The following TNRC6B variants were observed in gnomAD, a reference collection of about 807,000 sequenced individuals.
The protein encoded by TNRC6B is trinucleotide repeat containing adaptor 6B, also known as trinucleotide repeat-containing gene 6B protein.
TNRC6B carries 52 observed loss-of-function variants against 203.6 expected under a neutral mutation model. That is an observed-to-expected ratio of 0.26 (90% CI 0.20 to 0.32). The LOEUF (loss-of-function observed/expected upper bound fraction) is 0.32, where lower values mean the gene tolerates loss of function less well. TNRC6B is among the 10% of genes least tolerant of loss of function. The pLI is 1.00. For synonymous variants in TNRC6B, 838 were observed against 845.7 expected (o/e 0.99, Z 0.16); for missense variants, 1,923 against 2,286.2 (o/e 0.84, Z 3.24).
At chr22:40,262,772 G>T (rs2070406644) in intron 4 of TNRC6B, among the ~76,000 whole-genome samples, 1 of 152,170 alleles carries the variant, frequency 6.6e-6, no homozygotes, top group African/African-American at 2.4e-5. Context: ...GGGCACGGTG[G>T]CTCACGCCTG....
chr22:40,055,697 T>C (rs149660542), intron 1 of TNRC6B, among the ~76,000 whole-genome samples: 1 of 152,310 alleles, frequency 6.6e-6, no homozygotes, highest in East Asian at 1.9e-4. Context: ...ATGCAAATGA[T>C]GTTAGGTGGA....
intron 1 of TNRC6B, among the ~76,000 whole-genome samples, chr22:40,186,996 A>T (rs1271097174): frequency 6.6e-6 from 1 of 152,190 alleles, no homozygotes; most frequent in African/African-American, 2.4e-5. Context: ...CTACTTTTTC[A>T]TGGAAAAGTA....
intron 1 of TNRC6B, among the ~76,000 whole-genome samples, chr22:40,048,733 G>T (rs2067717070): frequency 6.6e-6 from 1 of 152,058 alleles, no homozygotes; most frequent in Non-Finnish European, 1.5e-5. Flanking sequence ...ACACAGTCAG[G>T]ATCAGAACGG....
intron 1 of TNRC6B, among the ~76,000 whole-genome samples, chr22:40,061,580 A>G (rs767772570): frequency 3.3e-5 from 5 of 151,770 alleles, no homozygotes; most frequent in Admixed American, 6.6e-5. Flanking sequence ...TATCTTTACT[A>G]GTTTGCTGTT....
At chr22:40,298,607 T>A (rs2070977291) in intron 12 of TNRC6B, among the ~76,000 whole-genome samples, 1 of 152,232 alleles carries the variant, frequency 6.6e-6, no homozygotes, top group African/African-American at 2.4e-5. Context: ...GTCATTCCAG[T>A]TGGAGATCAG....
chr22:40,309,780 C>G (rs1297766353), intron 16 of TNRC6B, among the ~76,000 whole-genome samples: 1 of 152,132 alleles, frequency 6.6e-6, no homozygotes, highest in African/African-American at 2.4e-5. Flanking sequence ...TTAGCAATCC[C>G]CAAAGTAATT....
At chr22:40,136,401 G>GTGTGTGTGTGTGTGTGTATAC (rs1001146658) in intron 3 of TNRC6B, among the ~76,000 whole-genome samples, 1 of 140,988 alleles carries the variant, frequency 7.1e-6, no homozygotes, top group East Asian at 2.1e-4. Context: ...GTGTGTGTGT[G>GTGTGTGTGTGTGTGTGTATAC]TATACTTTTT....
chr22:40,160,110 G>C (rs1309942301), intron 4 of TNRC6B, among the ~76,000 whole-genome samples: 1 of 152,034 alleles, frequency 6.6e-6, no homozygotes, highest in Non-Finnish European at 1.5e-5. Context: ...ACCTCCTTGA[G>C]CGGCCTATTT....
At chr22:40,267,387 G>A (rs1307814641) in intron 5 of TNRC6B, among the ~76,000 whole-genome samples, 2 of 152,188 alleles carry the variant, frequency 1.3e-5, no homozygotes, top group African/African-American at 4.8e-5. Context: ...AAATAGACCT[G>A]ATTTCCATTC....
rs555548451 is a variant in TNRC6B, at chr22:40,326,930, T to C, written c.*3689T>C. On this transcript the variant is annotated 3_prime_UTR_variant, in exon 23 of 23. Transcript: ENST00000454349. ...TTTTAGCTCCCAGCTACTGTTGTGC[T>C]CGTTTTAATTGCTGTTTTGAAGATC... 6.5e-6 allele frequency: 1 copy of C among 152,772 alleles called. No individual in the cohort carries two copies. Among genetic ancestry groups the C allele is most frequent in the African/African-American group, 2.4e-5 (1 of 41,578 alleles). The allele number at this position is 152,772 out of a possible 1,614,324, so 9.5% of individuals were successfully genotyped here.
At chr22:40,256,542 C>T (rs551622102) in intron 3 of TNRC6B, among the ~76,000 whole-genome samples, 37 of 152,178 alleles carry the variant, frequency 2.4e-4, no homozygotes, top group African/African-American at 7.5e-4. Context: ...TATTTCAAGA[C>T]GTGAAAATGA....
At chr22:40,111,419 G>A (rs2068333943) in intron 1 of TNRC6B, among the ~76,000 whole-genome samples, 1 of 152,100 alleles carries the variant, frequency 6.6e-6, no homozygotes, top group South Asian at 2.1e-4. Flanking sequence ...AGTGGTGTAG[G>A]GGAGGGGTGG....
At chr22:40,278,689 T>C (rs2070685675) in intron 9 of TNRC6B, among the ~76,000 whole-genome samples, 2 of 152,198 alleles carry the variant, frequency 1.3e-5, no homozygotes, top group Admixed American at 1.3e-4. Flanking sequence ...ATGACAAGTC[T>C]TTCAGCAGAG....
At chr22:40,200,701 TG>T (rs2069401401) in intron 1 of TNRC6B, among the ~76,000 whole-genome samples, 1 of 152,180 alleles carries the variant, frequency 6.6e-6, no homozygotes, top group South Asian at 2.1e-4. Flanking sequence ...TATGTATGAA[TG>T]TATATGTAAT....
In TNRC6B at chr22:40,301,248, G is replaced by A. The variant is rs375120667; in HGVS notation, c.4035G>A (p.Pro1345=). The change falls in exon 15 of 23, where the codon CCG becomes CCA. Residue 1345 remains proline (P), a synonymous_variant. Transcript: ENST00000454349. ...CCTCTCATCCTGTTGGGCCCAAGCC[G>A]CATCTGGACAACATGGTACCCAACG... The part of the protein sequence containing the change: ...HSPSHPVGPK[P]HLDNMVPNAL... The A allele has an allele frequency of 2.0e-4, 310 of 1,571,560 alleles. No homozygotes were observed. The African/African-American group carries it at 3.2e-3, about 16-fold the overall frequency.
intron 4 of TNRC6B, among the ~76,000 whole-genome samples, chr22:40,171,767 T>A (rs2069001978): frequency 6.6e-6 from 1 of 152,202 alleles, no homozygotes; most frequent in Non-Finnish European, 1.5e-5. Flanking sequence ...TCTTCCTACC[T>A]CTTGAGATTC....
intron 3 of TNRC6B, among the ~76,000 whole-genome samples, chr22:40,254,075 T>A (rs1473717722): frequency 6.6e-6 from 1 of 151,956 alleles, no homozygotes. Flanking sequence ...TAAAAAAAAC[T>A]GTGAGAATTC....
chr22:40,249,287 C>G (rs1251874861), intron 2 of TNRC6B, among the ~76,000 whole-genome samples: 1 of 152,164 alleles, frequency 6.6e-6, no homozygotes, highest in African/African-American at 2.4e-5. Flanking sequence ...AGTGAATGGT[C>G]AAGAATGAAG....
intron 1 of TNRC6B, among the ~76,000 whole-genome samples, chr22:40,090,244 G>A (rs1417652340): frequency 6.6e-6 from 1 of 152,168 alleles, no homozygotes; most frequent in African/African-American, 2.4e-5. Context: ...TTAGTTTTGT[G>A]AGAAACTACC....
Sources: allele counts gnomAD v4.1 joint callset (sites outside exome capture counted in the v4.1 genomes callset), GRCh38; gene constraint gnomAD v4.1.1; transcripts MANE v1.5; gene names NCBI Gene and HGNC (gene_info 2026-07-23, HGNC 2026-07-21).